RASSF3: variants seen among roughly 807,000 people sequenced by gnomAD.
RASSF3 encodes ras association domain-containing protein 3.
In RASSF3, 19 loss-of-function variants were observed where a neutral mutation model predicts 19.9. The observed-to-expected ratio is 0.96, with a 90% CI of 0.67 to 1.40. The LOEUF (loss-of-function observed/expected upper bound fraction) is 1.40. Among genes scored for constraint, RASSF3 ranks in the 40% most tolerant of loss-of-function variants. RASSF3 has a pLI of 0.00. For missense variants in RASSF3, 306 were observed against 289.8 expected, an observed-to-expected ratio of 1.06 and a Z score of -0.41; for synonymous variants, 110 against 104.2, an observed-to-expected ratio of 1.06 and a Z score of -0.34.
intron 1 of RASSF3, among the ~76,000 whole-genome samples, chr12:64,657,690 C>G (rs894798656): frequency 6.6e-6 from 1 of 152,204 alleles, no homozygotes; most frequent in African/African-American, 2.4e-5. Flanking sequence ...TCAGAAATGC[C>G]AGTGCCTTGG....
chr12:64,548,707 A>AG (rs1433703926), intron 2 of RASSF3, among the ~76,000 whole-genome samples: 10 of 152,180 alleles, frequency 6.6e-5, no homozygotes, highest in African/African-American at 2.2e-4. Flanking sequence ...CAGTTCACAA[A>AG]CAAACTTAGC....
chr12:64,595,508 A>C (rs1005117504), intron 2 of RASSF3, among the ~76,000 whole-genome samples: 5 of 152,204 alleles, frequency 3.3e-5, no homozygotes, highest in African/African-American at 1.2e-4. Flanking sequence ...ACCCTGGGGA[A>C]TATTTGCATC....
In RASSF3 at chr12:64,575,951, G is replaced by A. The variant is rs558074171; in HGVS notation, c.294+34246G>A. On this transcript the variant is annotated intron_variant, in intron 2 of 5. Coordinates refer to the RASSF3 transcript ENST00000637125. ...GTTGCCCAGGCTAGAGTGCAATAGC[G>A]CGATCTCGGCTCACCACAACCTCCC... is the stretch of plus-strand genomic sequence containing the variant. Among the ~76,000 whole-genome samples, 44 of 149,100 alleles carry A rather than the reference G, an allele frequency of 3.0e-4. 1 individual carries two copies. In the South Asian group the frequency reaches 5.5e-3, roughly 19 times the overall value.
intron 2 of RASSF3, among the ~76,000 whole-genome samples, chr12:64,602,204 A>C (rs1004816274): frequency 2.6e-5 from 4 of 151,300 alleles, no homozygotes; most frequent in Non-Finnish European, 5.9e-5. Flanking sequence ...TGGGAGGTTG[A>C]GGTGGGAGGA....
Position 64,694,435 on chromosome 12 carries a change from C to T in RASSF3, c.568-328C>T, listed in dbSNP as rs574802963. On this transcript the variant is annotated intron_variant, in intron 4 of 4. Transcript: ENST00000542104. ...CTCGAGGTTAAGATGAAAGGACTGT[C>T]GAATTGTTTTTAATGCTGTTGGGGG... Among the ~76,000 whole-genome samples the T allele has an allele frequency of 7.2e-5, 11 of 152,250 alleles. No individual in the cohort carries two copies. In the South Asian group the frequency reaches 1.7e-3, roughly 23 times the overall value.
At chr12:64,599,890 G>A (rs548986965) in intron 2 of RASSF3, among the ~76,000 whole-genome samples, 114 of 152,042 alleles carry the variant, frequency 7.5e-4, no homozygotes, top group Non-Finnish European at 1.2e-3. Context: ...AAATTAGCCG[G>A]GCGTGGTGGC....
At chr12:64,630,546 A>G (rs1349399019) in intron 1 of RASSF3, among the ~76,000 whole-genome samples, 2 of 152,180 alleles carry the variant, frequency 1.3e-5, no homozygotes, top group African/African-American at 2.4e-5. Flanking sequence ...CGAAATTTAA[A>G]AAAAGGGTGC....
chr12:64,613,207 G>A (rs891127468), intron 1 of RASSF3, among the ~76,000 whole-genome samples: 2 of 139,960 alleles, frequency 1.4e-5, no homozygotes, highest in Non-Finnish European at 3.2e-5. Context: ...CGTTAGATAA[G>A]CCTTTTTCTT....
chr12:64,672,082 G>A (rs1303774660), intron 1 of RASSF3, among the ~76,000 whole-genome samples: 2 of 152,054 alleles, frequency 1.3e-5, no homozygotes, highest in South Asian at 2.1e-4. Flanking sequence ...TTGTGGGTAC[G>A]TAGGTGTATA....
intron 2 of RASSF3, among the ~76,000 whole-genome samples, chr12:64,600,682 C>T (rs1489662158): frequency 1.3e-5 from 2 of 152,084 alleles, no homozygotes; most frequent in Non-Finnish European, 1.5e-5. Context: ...TAACTGTGAC[C>T]TATATGTACG....
At chr12:64,679,097 G>T (rs749759626) in intron 1 of RASSF3, among the ~76,000 whole-genome samples, 12 of 152,188 alleles carry the variant, frequency 7.9e-5, no homozygotes, top group Non-Finnish European at 1.6e-4. Flanking sequence ...CAGAGTTGCT[G>T]TGTTGTCCAG....
intron 2 of RASSF3, among the ~76,000 whole-genome samples, chr12:64,591,383 G>A (rs1248590578): frequency 1.3e-5 from 2 of 152,090 alleles, no homozygotes; most frequent in African/African-American, 4.8e-5. Flanking sequence ...GGCTGAGGCA[G>A]GAGAATTGCA....
chr12:64,550,094 C>A (rs1869132563), intron 2 of RASSF3, among the ~76,000 whole-genome samples: 1 of 151,984 alleles, frequency 6.6e-6, no homozygotes. Context: ...GTCTCAGCGC[C>A]CCCCACCCCC....
rs146464774 is a variant in RASSF3 at position 64,655,210 on chromosome 12, A to C, written c.112-29577A>C. On this transcript the variant is annotated intron_variant, in intron 1 of 4. Transcript: ENST00000542104. The stretch of plus-strand genomic sequence containing the variant: ...GTTTAGTATTTAGCTGTCTGTGATG[A>C]TAAGTAAATAATTTACCTTTTTGAA... Among the ~76,000 whole-genome samples, 455 of 152,382 alleles carry C rather than the reference A, an allele frequency of 3.0e-3. 1 individual carries two copies. The highest frequency in any genetic ancestry group is 0.01 in the African/African-American group (433 of 41,586).
rs185637579 is a variant in RASSF3 at position 64,604,972 on chromosome 12, T to A, written c.294+63267T>A. On this transcript the variant is annotated intron_variant, in intron 2 of 5. Coordinates refer to the RASSF3 transcript ENST00000637125. ...TTGAGTTTGTCATATATTTTTTTTT[T>A]AATTTATTTTATTTTATTTTTATTT... Among the ~76,000 whole-genome samples the A allele has an allele frequency of 7.2e-4, 109 of 151,008 alleles. 1 individual carries two copies. The highest frequency in any genetic ancestry group is 1.5e-3 in the South Asian group (7 of 4,794).
intron 1 of RASSF3, among the ~76,000 whole-genome samples, chr12:64,668,643 G>T (rs921564802): frequency 6.8e-6 from 1 of 147,912 alleles, no homozygotes; most frequent in African/African-American, 2.6e-5. Flanking sequence ...TTAGCTTTCA[G>T]CAGGGTGGGA....
At chr12:64,507,234 C>T (rs543633328) in exon 1 of RASSF3, 3 of 398,620 alleles carry the variant, frequency 7.5e-6, no homozygotes, top group African/African-American at 6.2e-5. Context: ...TTTCATGAGA[C>T]CTTCAGAAGA....
chr12:64,622,346 C>T (rs1479411819), intron 1 of RASSF3, among the ~76,000 whole-genome samples: 1 of 151,822 alleles, frequency 6.6e-6, no homozygotes, highest in Non-Finnish European at 1.5e-5. Context: ...AGGTGTGAGC[C>T]ACCGTGCCTG....
chr12:64,599,374 G>A (rs1870050101), intron 2 of RASSF3, among the ~76,000 whole-genome samples: 1 of 152,060 alleles, frequency 6.6e-6, no homozygotes, highest in Non-Finnish European at 1.5e-5. Context: ...TTAATTGCAA[G>A]GACTGATCAA....
Sources: allele counts gnomAD v4.1 joint callset (sites outside exome capture counted in the v4.1 genomes callset), GRCh38; gene constraint gnomAD v4.1.1; transcripts MANE v1.5; gene names NCBI Gene and HGNC (gene_info 2026-07-23, HGNC 2026-07-21).